The following ITGAE variants were observed in gnomAD, a reference collection of about 807,000 sequenced individuals.
ITGAE encodes the protein integrin alpha-E.
In ITGAE, 99 loss-of-function variants were observed where a neutral mutation model predicts 136.5. That is an observed-to-expected ratio of 0.73 (90% CI 0.62 to 0.86). ITGAE has a LOEUF of 0.86. Ranked by LOEUF, ITGAE falls within the 40% of genes least tolerant of loss-of-function variation. ITGAE has a pLI of 0.00. For synonymous variants in ITGAE, 613 were observed against 591.8 expected (o/e 1.04, Z -0.52); for missense variants, 1,447 against 1,515.3 (o/e 0.95, Z 0.75).
chr17:3,724,235 C>A, intron 26 of ITGAE: 1 of 1,593,588 alleles, frequency 6.3e-7, no homozygotes, highest in Non-Finnish European at 8.5e-7. Flanking sequence ...CCCCAAAGCG[C>A]TGGAAGCTGC....
In ITGAE at chr17:3,758,043, C is replaced by T. The variant is rs573354569; in HGVS notation, c.867-184G>A. Among the ~76,000 whole-genome samples, 35 of 152,282 alleles carry T rather than the reference C, an allele frequency of 2.3e-4. No individual in the cohort carries two copies. The South Asian group carries it at 6.0e-3, about 26-fold the overall frequency. On this transcript the variant is annotated intron_variant, in intron 8 of 30. Transcript: ENST00000263087. Reference sequence around the variant, plus strand: ...AGGCTGGGCAGAGGGAGGGCTGCAACACAGGTGTTCTTGCTTCTCACCTGC... The same window carrying T: ...AGGCTGGGCAGAGGGAGGGCTGCAATACAGGTGTTCTTGCTTCTCACCTGC...
intron 24 of ITGAE, 26 bp downstream of exon 24, chr17:3,729,452 G>C: frequency 6.8e-7 from 1 of 1,479,890 alleles, no homozygotes; most frequent in South Asian, 1.1e-5. Flanking sequence ...GAGTCACACC[G>C]CTGCTGGCCT....
At chr17:3,734,139 C>A (rs531936204) in intron 21 of ITGAE, among the ~76,000 whole-genome samples, 1 of 152,210 alleles carries the variant, frequency 6.6e-6, no homozygotes, top group African/African-American at 2.4e-5. Flanking sequence ...GGCGCAATCT[C>A]GGCTCACTGC....
chr17:3,731,063 G>T, intron 23 of ITGAE, 41 bp downstream of exon 23: 1 of 1,520,388 alleles, frequency 6.6e-7, no homozygotes, highest in Non-Finnish European at 9.1e-7. Context: ...ATGTCTTCCG[G>T]GGTCATAGCC....
Position 3,761,490 on chromosome 17 carries a change from G to A in ITGAE, c.346C>T (p.His116Tyr), listed in dbSNP as rs1465097576. ...ICIQVLVRRP[H>Y]SLSSELTGTC... ...CCTGTGAGTTCTGAGCTGAGGCTGT[G>A]AGGCCGCCGGACCAGCACTTGAATG... The change falls in exon 5 of 31, where the codon CAC becomes TAC. Residue 116 changes from histidine to tyrosine, a missense_variant. By Grantham distance (83) the His-to-Tyr change is moderately conservative. Around this residue, in one of 3 missense-constraint regions of ITGAE, gnomAD observed 310 missense variants for 416.1 expected, o/e 0.74. Coordinates refer to ENST00000263087, the MANE Select transcript of ITGAE (RefSeq NM_002208.5). 6.2e-6 allele frequency: 10 copies of A among 1,613,964 alleles called. 2 individuals are homozygous for A. In the South Asian group the frequency reaches 1.1e-4, roughly 18 times the overall value.
At chr17:3,736,556 T>C (rs1239391097) in intron 20 of ITGAE, among the ~76,000 whole-genome samples, 1 of 152,044 alleles carries the variant, frequency 6.6e-6, no homozygotes, top group Non-Finnish European at 1.5e-5. Flanking sequence ...ACCCACAAAA[T>C]CATTCAGACC....
At position 3,728,171 on chromosome 17, in the gene ITGAE, G is replaced by A. The variant is rs375353566; in HGVS notation, c.2913-3C>T. The A allele has an allele frequency of 1.2e-6, 2 of 1,610,602 alleles. No individual in the cohort carries two copies. The highest frequency in any genetic ancestry group is 1.7e-6 in the Non-Finnish European group (2 of 1,176,872). ...TGTTCACGTACATTATGGATGGTCT[G>A]CAATTGACAGGACATGCGTCAGCCC... On this transcript the variant is annotated splice_polypyrimidine_tract_variant and splice_region_variant and intron_variant, in intron 24 of 30. Coordinates refer to ENST00000263087, the MANE Select transcript of ITGAE (RefSeq NM_002208.5).
At chr17:3,726,448 C>T in intron 26 of ITGAE, 1 of 694,694 alleles carries the variant, frequency 1.4e-6, no homozygotes, top group Non-Finnish European at 2.5e-6. Context: ...GGTTTCCAGT[C>T]AGCTTTTCAA....
chr17:3,756,200 A>T (rs543772769), intron 10 of ITGAE, among the ~76,000 whole-genome samples: 15 of 147,658 alleles, frequency 1.0e-4, no homozygotes, highest in Admixed American at 4.0e-4. Flanking sequence ...CTGGGACGCA[A>T]GGAGGCCTGG....
intron 1 of ITGAE, among the ~76,000 whole-genome samples, chr17:3,793,769 G>C (rs963646163): frequency 2.0e-5 from 3 of 151,564 alleles, no homozygotes; most frequent in African/African-American, 7.3e-5. Context: ...GGATGGTCTC[G>C]AACTCCTGGC....
At chr17:3,720,198 G>T in intron 29 of ITGAE, 109 bp downstream of exon 29, 3 of 621,534 alleles carry the variant, frequency 4.8e-6, no homozygotes, top group Non-Finnish European at 8.8e-6. Context: ...GCCAAGATCA[G>T]AAGTGTTAAG....
chr17:3,745,587 C>T (rs2051692678), intron 18 of ITGAE, among the ~76,000 whole-genome samples, 177 bp downstream of exon 18: 1 of 152,240 alleles, frequency 6.6e-6, no homozygotes, highest in African/African-American at 2.4e-5. Context: ...AGTGATCCCC[C>T]CGCCTTGGCC....
rs138344731 is a variant in ITGAE at position 3,788,415 on chromosome 17, G to C, written c.35-10755C>G. Among the ~76,000 whole-genome samples the C allele has an allele frequency of 3.2e-3, 486 of 149,648 alleles. 1 individual carries two copies. The highest frequency in any genetic ancestry group is 0.011 in the African/African-American group (446 of 40,856). The stretch of plus-strand genomic sequence containing the variant: ...AGTGGTTTTCCTGCCTCAGCCTTTC[G>C]AGTAGCTGGGACTATAGGCCTGTGC... On this transcript the variant is annotated intron_variant, in intron 1 of 30. Coordinates refer to ENST00000263087, the MANE Select transcript of ITGAE (RefSeq NM_002208.5).
intron 20 of ITGAE, among the ~76,000 whole-genome samples, chr17:3,736,223 TGCTTGA>T (rs1485048193): frequency 2.0e-5 from 3 of 152,058 alleles, no homozygotes; most frequent in African/African-American, 7.2e-5. Flanking sequence ...GCAGGAGAAT[TGCTTGA>T]GCCCGGGAGG....
intron 30 of ITGAE, 129 bp downstream of exon 30, chr17:3,716,556 TGAA>T (rs1262483383): frequency 6.1e-6 from 4 of 660,746 alleles, no homozygotes; most frequent in Admixed American, 5.1e-5. Context: ...GGTGTGCAGT[TGAA>T]GGAGGAGAAA....
chr17:3,749,521 G>A (rs1224853326), intron 16 of ITGAE, among the ~76,000 whole-genome samples: 1 of 152,136 alleles, frequency 6.6e-6, no homozygotes, highest in Non-Finnish European at 1.5e-5. Flanking sequence ...CAAAGTGCTG[G>A]GATTACAGGT....
Position 3,781,389 on chromosome 17 carries a change from G to T in ITGAE, c.35-3729C>A, listed in dbSNP as rs538053723. ...TTTTGAGATAAAGTCTCGCTGAGCC[G>T]CCCAGGCTGGAGTGCAGTGGCGCTA... On this transcript the variant is annotated intron_variant, in intron 1 of 30. Transcript: ENST00000263087. 1.9e-4 allele frequency among the ~76,000 whole-genome samples: 29 copies of T among 150,084 alleles called. No individual in the cohort carries two copies. In the South Asian group the frequency reaches 5.9e-3, roughly 30 times the overall value.
intron 28 of ITGAE, among the ~76,000 whole-genome samples, chr17:3,721,320 G>A (rs924175640): frequency 3.1e-5 from 4 of 129,482 alleles, no homozygotes; most frequent in Non-Finnish European, 4.7e-5. Flanking sequence ...TACTCGGGCC[G>A]GAATGGAGTG....
intron 7 of ITGAE, among the ~76,000 whole-genome samples, 159 bp downstream of exon 7, chr17:3,760,012 TC>T (rs1486545819): frequency 6.6e-6 from 1 of 152,128 alleles, no homozygotes. Flanking sequence ...CGCCTGCAGC[TC>T]CAGGGTAACT....
Sources: gnomAD v4.1 joint callset for allele counts (sites outside exome capture counted in the v4.1 genomes callset) on GRCh38, gnomAD v4.1.1 for gene constraint, gnomAD v4.1.1 regional missense constraint, MANE v1.5 for transcripts, NCBI Gene and HGNC (gene_info 2026-07-23, HGNC 2026-07-21) for gene names.